DYNLRB2: variants seen among roughly 807,000 people sequenced by gnomAD.
The protein encoded by DYNLRB2 is bithoraxoid-like protein.
DYNLRB2 carries 14 observed loss-of-function variants against 12.6 expected under a neutral mutation model. The observed-to-expected ratio is 1.11, with a 90% CI of 0.73 to 1.73. The LOEUF (loss-of-function observed/expected upper bound fraction) is 1.73, where lower values mean the gene tolerates loss of function less well. DYNLRB2 is among the 40% of genes most tolerant of loss of function. DYNLRB2 has a pLI of 0.00. For missense variants in DYNLRB2, 142 were observed against 117.7 expected, an observed-to-expected ratio of 1.21 and a Z score of -0.95; for synonymous variants, 53 against 37.0, an observed-to-expected ratio of 1.43 and a Z score of -1.57.
chr16:80,547,892 T>C (rs1904578261), intron 2 of DYNLRB2: 2 of 455,538 alleles, frequency 4.4e-6, no homozygotes, highest in South Asian at 3.1e-5. Context: ...CCTGTAAATA[T>C]TATCCTCATA....
intron 2 of DYNLRB2, among the ~76,000 whole-genome samples, chr16:80,543,697 G>C (rs1382657097): frequency 2.0e-5 from 3 of 152,142 alleles, no homozygotes; most frequent in Non-Finnish European, 4.4e-5. Context: ...ATCATTGTTG[G>C]TGGGTTGTTT....
At chr16:80,548,178 T>G (rs1236331576) in intron 2 of DYNLRB2, 1 of 167,090 alleles carries the variant, frequency 6.0e-6, no homozygotes, top group African/African-American at 2.4e-5. Context: ...CACCTTCATA[T>G]CTCCTCCTAA....
At chr16:80,545,916 A>C (rs9939672) in intron 2 of DYNLRB2, among the ~76,000 whole-genome samples, 1 of 150,826 alleles carries the variant, frequency 6.6e-6, no homozygotes, top group African/African-American at 2.4e-5. Context: ...TGATCCACCC[A>C]CCTCGGCCTC....
In DYNLRB2 at chr16:80,549,671, C is replaced by G. The variant is rs754524614; in HGVS notation, c.247+20C>G. On this transcript the variant is annotated intron_variant, in intron 3 of 3. Transcript: ENST00000305904. ...CTCCAGGTAATTTGGCATTTCATTT[C>G]CTAGTTAAATCATCTTTCTAATTTG... is the stretch of plus-strand genomic sequence containing the variant. 2.6e-6 allele frequency: 4 copies of G among 1,560,752 alleles called. No individual in the cohort carries two copies. The highest frequency in any genetic ancestry group is 3.5e-6 in the Non-Finnish European group (4 of 1,144,156).
chr16:80,543,437 C>A, intron 2 of DYNLRB2, 86 bp downstream of exon 2: 3 of 1,236,562 alleles, frequency 2.4e-6, no homozygotes, highest in Non-Finnish European at 3.5e-6. Context: ...CAAACATCTT[C>A]GAATTTGACA....
chr16:80,549,514 C>G lies in DYNLRB2; in HGVS notation c.110C>G (p.Ser37Ter). The change falls in exon 3 of 4, where the codon TCA becomes TGA. Residue 37 changes from serine to a stop codon, truncating the protein, a stop_gained. Transcript: ENST00000305904. LOFTEE classifies it high-confidence loss of function. The part of the protein sequence containing the change: ...GIPIRTTLDN[S>*]TTVQYAGLLH... ...CCCATCCGAACAACCTTGGACAACT[C>G]AACAACTGTTCAATATGCAGGCCTT... is the stretch of plus-strand genomic sequence containing the variant. The G allele has an allele frequency of 6.2e-7, 1 of 1,612,066 alleles. No individual in the cohort carries two copies. Among genetic ancestry groups the G allele is most frequent in the Non-Finnish European group, 8.5e-7 (1 of 1,178,654 alleles).
intron 2 of DYNLRB2, chr16:80,544,713 G>C (rs1433283553): frequency 1.3e-5 from 2 of 152,214 alleles, no homozygotes; most frequent in South Asian, 2.1e-4. Flanking sequence ...CTGGAGGTTA[G>C]AAGTTGAAAT....
intron 1 of DYNLRB2, 130 bp from the exon 2 acceptor site, chr16:80,543,146 C>A: frequency 2.4e-6 from 2 of 849,528 alleles, no homozygotes; most frequent in South Asian, 4.1e-5. Context: ...TTTTAAAAAT[C>A]TGAGATTATC....
intron 2 of DYNLRB2, among the ~76,000 whole-genome samples, chr16:80,547,113 T>C (rs1050177951): frequency 3.3e-5 from 5 of 152,192 alleles, no homozygotes; most frequent in Non-Finnish European, 4.4e-5. Context: ...GCAGGACATA[T>C]TAAGTATATT....
intron 2 of DYNLRB2, among the ~76,000 whole-genome samples, chr16:80,545,702 C>G (rs1454197217): frequency 3.7e-5 from 3 of 80,948 alleles, no homozygotes; most frequent in East Asian, 4.5e-4. Context: ...GAGTCTCTCT[C>G]TGTCATCCAG....
chr16:80,550,217 G>GT (rs1301091038), intron 3 of DYNLRB2, among the ~76,000 whole-genome samples: 5 of 152,154 alleles, frequency 3.3e-5, no homozygotes, highest in Admixed American at 2.0e-4. Context: ...ACTGAATAAA[G>GT]TTTTTTCCTA....
chr16:80,546,772 A>G (rs1286627175), intron 2 of DYNLRB2, among the ~76,000 whole-genome samples: 1 of 152,202 alleles, frequency 6.6e-6, no homozygotes, highest in Non-Finnish European at 1.5e-5. Flanking sequence ...ATTTCTAACA[A>G]TCTATCATTT....
At position 80,550,537 on chromosome 16, in the gene DYNLRB2, C is replaced by T. The variant is rs1567519769; in HGVS notation, c.270C>T (p.Val90=). Residue 90 remains valine, a synonymous_variant, in exon 4 of 4, where the codon GTC becomes GTT. Coordinates refer to ENST00000305904, the MANE Select transcript of DYNLRB2 (RefSeq NM_130897.3). ...VAPDKEYLLI[V]IQNPCE is the part of the protein sequence containing the mutation. ...TAGATAAGGAATATCTTCTGATCGT[C>T]ATTCAGAATCCATGTGAATAGACCT... The T allele has an allele frequency of 6.2e-7, 1 of 1,614,192 alleles. No homozygotes were observed. Among genetic ancestry groups the T allele is most frequent in the Non-Finnish European group, 8.5e-7 (1 of 1,180,026 alleles).
chr16:80,550,185 A>G (rs1904752922), intron 3 of DYNLRB2, among the ~76,000 whole-genome samples: 1 of 152,202 alleles, frequency 6.6e-6, no homozygotes, highest in Non-Finnish European at 1.5e-5. Flanking sequence ...CAGCAAATCC[A>G]TCAAATCAGA....
At chr16:80,541,640 G>A (rs974258090) in intron 1 of DYNLRB2, among the ~76,000 whole-genome samples, 2 of 144,934 alleles carry the variant, frequency 1.4e-5, no homozygotes, top group Non-Finnish European at 3.0e-5. Context: ...GGCGTTAAGA[G>A]AAGAATGAAA....
chr16:80,548,963 T>G (rs1904660965), intron 2 of DYNLRB2: 1 of 455,922 alleles, frequency 2.2e-6, no homozygotes, highest in Non-Finnish European at 4.4e-6. Context: ...TAACACCATG[T>G]CACAGAGCAA....
upstream of DYNLRB2, chr16:80,540,828 A>G: frequency 1.4e-6 from 1 of 720,924 alleles, no homozygotes; most frequent in South Asian, 1.5e-5. Context: ...CCCGGGACCC[A>G]CTGCTCCAGG....
intron 2 of DYNLRB2, among the ~76,000 whole-genome samples, chr16:80,545,591 T>G (rs1367816245): frequency 6.6e-6 from 1 of 151,890 alleles, no homozygotes; most frequent in African/African-American, 2.4e-5. Flanking sequence ...TTTCACTTTA[T>G]TTTCCTGAGG....
At chr16:80,542,356 A>G (rs572573713) in intron 1 of DYNLRB2, among the ~76,000 whole-genome samples, 3 of 152,342 alleles carry the variant, frequency 2.0e-5, no homozygotes, top group South Asian at 4.1e-4. Context: ...ACAAATGCCT[A>G]AAGTCAAGAA....
Sources: allele counts gnomAD v4.1 joint callset (sites outside exome capture counted in the v4.1 genomes callset), GRCh38; gene constraint gnomAD v4.1.1; transcripts MANE v1.5; gene names NCBI Gene and HGNC (gene_info 2026-07-23, HGNC 2026-07-21).